The following GFRA1 variants were observed in gnomAD, a reference collection of about 807,000 sequenced individuals.
GFRA1 encodes GDNF family receptor alpha-1.
A neutral mutation model predicts 51.6 loss-of-function variants in GFRA1; 16 were observed. The observed-to-expected ratio is 0.31, with a 90% confidence interval of 0.21 to 0.47. GFRA1 has a LOEUF of 0.47. Ranked by LOEUF, GFRA1 falls within the 20% of genes least tolerant of loss-of-function variation. The pLI is 1.00. For synonymous variants in GFRA1, 270 were observed against 241.3 expected, an observed-to-expected ratio of 1.12 and a Z score of -1.10; for missense variants, 530 against 594.3, an observed-to-expected ratio of 0.89 and a Z score of 1.13.
At chr10:116,234,145 G>T (rs1966840534) in intron 4 of GFRA1, among the ~76,000 whole-genome samples, 1 of 152,156 alleles carries the variant, frequency 6.6e-6, no homozygotes, top group South Asian at 2.1e-4. Context: ...AACTGTCTTT[G>T]TTGTTGTTGT....
chr10:116,106,648 C>G (rs1458159784), intron 6 of GFRA1, among the ~76,000 whole-genome samples: 1 of 151,722 alleles, frequency 6.6e-6, no homozygotes, highest in Non-Finnish European at 1.5e-5. Context: ...TCTCTTGGTT[C>G]TGCTCCGATC....
intron 5 of GFRA1, among the ~76,000 whole-genome samples, chr10:116,154,137 G>A (rs184926930): frequency 3.3e-4 from 51 of 152,250 alleles, no homozygotes; most frequent in South Asian, 8.3e-4. Context: ...GCTGGTGGGA[G>A]TGCCAATTGG....
At chr10:116,132,942 C>T (rs1332409628) in intron 5 of GFRA1, among the ~76,000 whole-genome samples, 3 of 152,064 alleles carry the variant, frequency 2.0e-5, no homozygotes, top group African/African-American at 7.2e-5. Context: ...GGGAAGGCTT[C>T]TGAACAGCTT....
chr10:116,222,929 T>C (rs938573247), intron 4 of GFRA1, among the ~76,000 whole-genome samples: 2 of 152,188 alleles, frequency 1.3e-5, no homozygotes, highest in Non-Finnish European at 2.9e-5. Context: ...TATAACAACA[T>C]TTACATAGTA....
Position 116,064,091 on chromosome 10 carries a change from G to GATC in GFRA1, c.*304_*306dup, listed in dbSNP as rs1239757880. On this transcript the variant is annotated 3_prime_UTR_variant, in exon 11 of 11. Coordinates refer to ENST00000355422, the MANE Select transcript of GFRA1 (RefSeq NM_005264.8). Reference sequence around the variant, plus strand: ...TCATGATCATGATGATCATCATCATGATCATCATCATCATCGAAAACACAG... The same window carrying GATC: ...TCATGATCATGATGATCATCATCATGATCATCATCATCATCATCGAAAACACAG... 7.2e-5 allele frequency: 13 copies of GATC among 180,492 alleles called. No homozygotes were observed. In the East Asian group the frequency reaches 1.3e-3, roughly 18 times the overall value. The allele number at this position is 180,492 out of a possible 1,614,324, so 11.2% of individuals were successfully genotyped here.
chr10:116,256,327 C>A (rs1225664862), intron 4 of GFRA1, among the ~76,000 whole-genome samples: 1 of 152,140 alleles, frequency 6.6e-6, no homozygotes, highest in East Asian at 1.9e-4. Context: ...TCATCCCCTG[C>A]CCCTCCCCGT....
At chr10:116,072,859 C>A (rs1407825580) in intron 9 of GFRA1, among the ~76,000 whole-genome samples, 1 of 152,120 alleles carries the variant, frequency 6.6e-6, no homozygotes, top group East Asian at 1.9e-4. Flanking sequence ...GTCATTCCTG[C>A]CCTACTGTCC....
chr10:116,075,040 C>A (rs955121824), intron 9 of GFRA1, among the ~76,000 whole-genome samples: 3 of 152,168 alleles, frequency 2.0e-5, no homozygotes, highest in Non-Finnish European at 2.9e-5. Flanking sequence ...TATTACCCAG[C>A]AATTGGGTTA....
intron 5 of GFRA1, among the ~76,000 whole-genome samples, chr10:116,185,599 C>T (rs1220762167): frequency 2.0e-5 from 3 of 152,174 alleles, no homozygotes; most frequent in Non-Finnish European, 2.9e-5. Flanking sequence ...AGCTCTTTGC[C>T]TCTGGGCAGG....
chr10:116,271,249 C>T, intron 2 of GFRA1, 134 bp from the exon 3 acceptor site: 1 of 648,434 alleles, frequency 1.5e-6, no homozygotes. Context: ...GGAGCGGGTC[C>T]ACCTCTCGAC....
At chr10:116,122,269 A>G (rs1957678438) in intron 6 of GFRA1, among the ~76,000 whole-genome samples, 1 of 152,108 alleles carries the variant, frequency 6.6e-6, no homozygotes, top group African/African-American at 2.4e-5. Context: ...CACTAGTCCC[A>G]CCATCCAGCC....
chr10:116,071,218 T>C (rs1270881673), intron 9 of GFRA1, among the ~76,000 whole-genome samples: 1 of 152,168 alleles, frequency 6.6e-6, no homozygotes, highest in African/African-American at 2.4e-5. Flanking sequence ...TGGGTGACTC[T>C]TCTACCACTG....
In GFRA1 at chr10:116,191,788, A is replaced by G. The variant is rs530413039; in HGVS notation, c.433+19843T>C. Among the ~76,000 whole-genome samples the G allele has an allele frequency of 1.8e-3, 267 of 152,310 alleles. 1 individual carries two copies. Among genetic ancestry groups the G allele is most frequent in the African/African-American group, 5.9e-3 (246 of 41,562 alleles). The stretch of plus-strand genomic sequence containing the variant: ...ACGCCTGTAATCCCAGCACTTTGGG[A>G]GGCCAAGGCAGGCGGATCACCTGAG... On this transcript the variant is annotated intron_variant, in intron 5 of 10. Coordinates refer to ENST00000355422, the MANE Select transcript of GFRA1 (RefSeq NM_005264.8).
intron 9 of GFRA1, among the ~76,000 whole-genome samples, chr10:116,081,517 G>A (rs1955850431): frequency 6.6e-6 from 1 of 152,152 alleles, no homozygotes; most frequent in Non-Finnish European, 1.5e-5. Flanking sequence ...GGGGCAGGGA[G>A]GAACACTGCT....
intron 4 of GFRA1, among the ~76,000 whole-genome samples, chr10:116,266,812 T>C (rs1421923169): frequency 5.9e-5 from 9 of 152,258 alleles, no homozygotes; most frequent in Admixed American, 2.0e-4. Flanking sequence ...TCCTTAACAG[T>C]TGAAATGATT....
chr10:116,262,674 T>C (rs1027716189), intron 4 of GFRA1, among the ~76,000 whole-genome samples: 1 of 152,168 alleles, frequency 6.6e-6, no homozygotes, highest in Non-Finnish European at 1.5e-5. Flanking sequence ...TTTCCTATTG[T>C]TCTACAACAA....
intron 6 of GFRA1, among the ~76,000 whole-genome samples, chr10:116,123,618 C>T (rs1166201419): frequency 6.6e-6 from 1 of 152,126 alleles, no homozygotes; most frequent in Non-Finnish European, 1.5e-5. Flanking sequence ...TTTTTAGAAA[C>T]GGGGAACCAA....
chr10:116,179,764 C>T (rs535014604), intron 5 of GFRA1, among the ~76,000 whole-genome samples: 2 of 152,170 alleles, frequency 1.3e-5, no homozygotes, highest in East Asian at 3.9e-4. Context: ...TAAATAGTGG[C>T]TAGAGGTGAA....
chr10:116,189,361 G>A (rs2134314514), intron 5 of GFRA1, among the ~76,000 whole-genome samples: 1 of 152,210 alleles, frequency 6.6e-6, no homozygotes, highest in African/African-American at 2.4e-5. Flanking sequence ...TTTACCCAAG[G>A]AGTAACGTCC....
Sources: gnomAD v4.1 joint callset for allele counts (sites outside exome capture counted in the v4.1 genomes callset) on GRCh38, gnomAD v4.1.1 for gene constraint, MANE v1.5 for transcripts, NCBI Gene and HGNC (gene_info 2026-07-23, HGNC 2026-07-21) for gene names.